Variants in PPP3CA observed in about 807,000 individuals in gnomAD.
PPP3CA encodes the protein protein phosphatase 3 catalytic subunit alpha, also known as CAM-PRP catalytic subunit.
Under a neutral mutation model 66.5 loss-of-function variants are expected in PPP3CA, and 14 were observed. The observed-to-expected ratio is 0.21, with a 90% confidence interval of 0.14 to 0.33. The LOEUF is 0.33. Ranked by LOEUF, PPP3CA falls within the 10% of genes least tolerant of loss-of-function variation. The pLI is 1.00. For synonymous variants in PPP3CA, 232 were observed against 226.2 expected (o/e 1.03, Z -0.23); for missense variants, 317 against 639.5 (o/e 0.50, Z 5.44).
intron 1 of PPP3CA, among the ~76,000 whole-genome samples, chr4:101,318,636 G>T (rs889343171): frequency 1.3e-5 from 2 of 152,104 alleles, no homozygotes; most frequent in African/African-American, 4.8e-5. Context: ...GTATGCAGTA[G>T]ATACTAAGAA....
chr4:101,085,805 A>C (rs572081572), intron 6 of PPP3CA, among the ~76,000 whole-genome samples: 2 of 151,940 alleles, frequency 1.3e-5, no homozygotes, highest in South Asian at 4.2e-4. Context: ...ACAAATCACA[A>C]AATGTTCAAG....
chr4:101,127,286 C>A (rs191598562), intron 2 of PPP3CA, among the ~76,000 whole-genome samples: 1 of 151,812 alleles, frequency 6.6e-6, no homozygotes, highest in African/African-American at 2.4e-5. Context: ...TGCTCTACCC[C>A]CCACCAAAAA....
At chr4:101,100,120 T>G (rs1156254393) in intron 3 of PPP3CA, among the ~76,000 whole-genome samples, 1 of 152,082 alleles carries the variant, frequency 6.6e-6, no homozygotes, top group African/African-American at 2.4e-5. Flanking sequence ...CTATGTGTAG[T>G]GAGATTCCCT....
chr4:101,118,589 T>C (rs1721922688), intron 2 of PPP3CA, among the ~76,000 whole-genome samples: 1 of 152,058 alleles, frequency 6.6e-6, no homozygotes, highest in Non-Finnish European at 1.5e-5. Context: ...ATTCCTCCTG[T>C]TTGACCTTAG....
chr4:101,120,718 T>C (rs114142965), intron 2 of PPP3CA, among the ~76,000 whole-genome samples: 171 of 152,232 alleles, frequency 1.1e-3, no homozygotes, highest in African/African-American at 4.1e-3. Flanking sequence ...TAAATTTACA[T>C]GTCAGGACTA....
chr4:101,139,696 G>GTGTTTTTTTTTTTTT (rs1553927959), intron 2 of PPP3CA, among the ~76,000 whole-genome samples: 1 of 98,406 alleles, frequency 1.0e-5, no homozygotes, highest in African/African-American at 4.0e-5. Context: ...TTTTTTTTGT[G>GTGTTTTTTTTTTTTT]TTTTTTTTTT....
intron 2 of PPP3CA, among the ~76,000 whole-genome samples, chr4:101,166,022 A>G (rs139482244): frequency 1.3e-5 from 2 of 152,308 alleles, no homozygotes; most frequent in East Asian, 3.9e-4. Context: ...ACAACCAGAT[A>G]AAATATGGAA....
In PPP3CA at chr4:101,346,831, TC is replaced by T; in HGVS notation, c.-36del. The T allele has an allele frequency of 1.9e-6, 3 of 1,599,568 alleles. No homozygotes were observed. The highest frequency in any genetic ancestry group is 2.6e-6 in the Non-Finnish European group (3 of 1,174,050). ...CCGGAGGACAGCGACGCGCTGCTCGTCCGTCCGACTGCACACCCCGACCGGA... is the reference window on the plus strand; with the variant it reads ...CCGGAGGACAGCGACGCGCTGCTCGTCGTCCGACTGCACACCCCGACCGGA... On this transcript the variant is annotated 5_prime_UTR_variant, in exon 1 of 14. Coordinates refer to ENST00000394854, the MANE Select transcript of PPP3CA (RefSeq NM_000944.5).
At position 101,128,536 on chromosome 4, in the gene PPP3CA, A is replaced by G. The variant is rs78196105; in HGVS notation, c.260-19458T>C. On this transcript the variant is annotated intron_variant, in intron 2 of 13. Transcript: ENST00000394854. The stretch of plus-strand genomic sequence containing the variant: ...AAGGCTGGTGATTTCTGCATTTCCA[A>G]CTGAGGTACCCGGTTCATTTCACTG... 3.4e-3 allele frequency among the ~76,000 whole-genome samples: 517 copies of G among 151,862 alleles called. 22 individuals carry two copies. The East Asian group carries it at 0.091, about 27-fold the overall frequency.
At position 101,073,402 on chromosome 4, in the gene PPP3CA, G is replaced by A. The variant is rs1431487529; in HGVS notation, c.955+7130C>T. Among the ~76,000 whole-genome samples the A allele has an allele frequency of 4.0e-5, 6 of 151,308 alleles. No individual in the cohort carries two copies. In the East Asian group the frequency reaches 9.8e-4, roughly 25 times the overall value. Reference sequence around the variant, plus strand: ...AGCGATTCTTCCTCCTCTGCCTCCCGAATAGTTGGGACTACAGGTGCGGGC... The same window carrying A: ...AGCGATTCTTCCTCCTCTGCCTCCCAAATAGTTGGGACTACAGGTGCGGGC... On this transcript the variant is annotated intron_variant, in intron 8 of 13. Transcript: ENST00000394854.
chr4:101,315,660 A>G (rs552140545), intron 1 of PPP3CA, among the ~76,000 whole-genome samples: 21 of 152,348 alleles, frequency 1.4e-4, no homozygotes, highest in Non-Finnish European at 2.1e-4. Flanking sequence ...AATAACAATG[A>G]CTTAAATAAG....
chr4:101,143,353 T>A (rs1459658418), intron 2 of PPP3CA, among the ~76,000 whole-genome samples: 3 of 152,220 alleles, frequency 2.0e-5, no homozygotes, highest in Non-Finnish European at 2.9e-5. Flanking sequence ...CCTTTGCCTA[T>A]AAACACTTGA....
intron 8 of PPP3CA, among the ~76,000 whole-genome samples, chr4:101,074,668 TGGTATCTTCTTGAAGCCTATGACTC>T (rs1221247651): frequency 6.6e-6 from 1 of 152,220 alleles, no homozygotes; most frequent in Non-Finnish European, 1.5e-5. Context: ...TATTTATAAA[TGGTATCTTCTTGAAGCCTATGACTC>T]CTTTTTGATT....
chr4:101,085,857 C>CAGAGAGAGAGAG (rs1553923935), intron 6 of PPP3CA, among the ~76,000 whole-genome samples: 1 of 110,548 alleles, frequency 9.0e-6, no homozygotes, highest in African/African-American at 4.5e-5. Flanking sequence ...CACACACACA[C>CAGAGAGAGAGAG]AGAGAGAGAG....
At chr4:101,330,695 A>T (rs1442305529) in intron 1 of PPP3CA, among the ~76,000 whole-genome samples, 1 of 152,136 alleles carries the variant, frequency 6.6e-6, no homozygotes, top group Non-Finnish European at 1.5e-5. Context: ...ATATGCCTGT[A>T]TAAAGCCACA....
intron 1 of PPP3CA, among the ~76,000 whole-genome samples, chr4:101,234,072 G>T (rs1726049087): frequency 6.6e-6 from 1 of 151,766 alleles, no homozygotes; most frequent in Non-Finnish European, 1.5e-5. Flanking sequence ...CAAAGGTCAT[G>T]ATCTCATTCC....
intron 1 of PPP3CA, among the ~76,000 whole-genome samples, chr4:101,241,542 G>A (rs992079731): frequency 1.3e-5 from 2 of 151,918 alleles, no homozygotes; most frequent in African/African-American, 4.8e-5. Flanking sequence ...TTATATTAAT[G>A]TCATATTGTA....
At chr4:101,063,073 TAC>T (rs747775369) in intron 9 of PPP3CA, among the ~76,000 whole-genome samples, 157 bp downstream of exon 9, 4 of 151,858 alleles carry the variant, frequency 2.6e-5, no homozygotes, top group Non-Finnish European at 5.9e-5. Context: ...GTTAATAGGA[TAC>T]AGAGTGACAC....
At position 101,103,332 on chromosome 4, in the gene PPP3CA, A is replaced by G. The variant is rs969586494; in HGVS notation, c.385-3610T>C. On this transcript the variant is annotated intron_variant, in intron 3 of 13. Coordinates refer to ENST00000394854, the MANE Select transcript of PPP3CA (RefSeq NM_000944.5). Reference sequence around the variant, plus strand: ...AAAAGTGCTGCCTCTCGATCATCAAACTAAGTAAAGGATTTGCATCAGTTG... The same window carrying G: ...AAAAGTGCTGCCTCTCGATCATCAAGCTAAGTAAAGGATTTGCATCAGTTG... Among the ~76,000 whole-genome samples the G allele has an allele frequency of 2.6e-4, 40 of 152,200 alleles. 1 individual carries two copies. The highest frequency in any genetic ancestry group is 2.0e-4 in the Admixed American group (3 of 15,278).
Sources: gnomAD v4.1 joint callset for allele counts (sites outside exome capture counted in the v4.1 genomes callset) on GRCh38, gnomAD v4.1.1 for gene constraint, MANE v1.5 for transcripts, NCBI Gene and HGNC (gene_info 2026-07-23, HGNC 2026-07-21) for gene names.